TUBGCP5: variants seen among roughly 807,000 people sequenced by gnomAD.
TUBGCP5 encodes the protein tubulin gamma complex component 5.
TUBGCP5 carries 98 observed loss-of-function variants against 134.7 expected under a neutral mutation model. The ratio of observed to expected loss-of-function variants is 0.73; its 90% CI spans 0.62 to 0.86. The LOEUF is 0.86. Among genes scored for constraint, TUBGCP5 ranks in the 40% least tolerant of loss-of-function variants. The pLI is 0.00. For missense variants in TUBGCP5, 1,150 were observed against 1,244.8 expected (o/e 0.92, Z 1.15); for synonymous variants, 456 against 431.4 (o/e 1.06, Z -0.71).
At chr15:23,014,330 T>C (rs533368302) in intron 13 of TUBGCP5, among the ~76,000 whole-genome samples, 10 of 152,284 alleles carry the variant, frequency 6.6e-5, no homozygotes, top group African/African-American at 2.4e-4. Flanking sequence ...TTGAGCGGCC[T>C]TGCACGGCAT....
chr15:22,989,381 A>G (rs773089822), intron 23 of TUBGCP5, among the ~76,000 whole-genome samples: 5 of 152,154 alleles, frequency 3.3e-5, no homozygotes, highest in Non-Finnish European at 5.9e-5. Context: ...CACATCCAGT[A>G]AATACCTTCT....
At chr15:23,029,605 A>T (rs1293852961) in intron 6 of TUBGCP5, among the ~76,000 whole-genome samples, 1 of 152,186 alleles carries the variant, frequency 6.6e-6, no homozygotes, top group African/African-American at 2.4e-5. Context: ...CAATTTTGAA[A>T]AAGAGCAGTG....
chr15:22,987,895 C>CAAAAAAA (rs869168765), intron 23 of TUBGCP5, among the ~76,000 whole-genome samples: 2 of 20,488 alleles, frequency 9.8e-5, no homozygotes, highest in African/African-American at 1.7e-4. Flanking sequence ...GACTCCATCT[C>CAAAAAAA]AAAAAAAAAA....
rs1301840316 is a variant in TUBGCP5, at chr15:23,039,259, G to A, written c.146+139C>T. ...GCCGGCGGGGAGCAGGCGGTGGCAG[G>A]GCCTGCGAAGGCTCCCTGAGGCCGC... On this transcript the variant is annotated intron_variant, in intron 1 of 22. Coordinates refer to ENST00000615383, the MANE Select transcript of TUBGCP5 (RefSeq NM_052903.6). The A allele has an allele frequency of 8.1e-6, 8 of 988,464 alleles. No homozygotes were observed. The Admixed American group carries it at 3.8e-4, about 47-fold the overall frequency. The allele number at this position is 988,464 out of a possible 1,614,324, so 61.2% of individuals were successfully genotyped here.
Position 22,999,757 on chromosome 15 carries a change from G to A in TUBGCP5, c.*63C>T. The A allele has an allele frequency of 1.3e-6, 2 of 1,522,952 alleles. No individual in the cohort carries two copies. The highest frequency in any genetic ancestry group is 1.8e-6 in the Non-Finnish European group (2 of 1,099,590). 94.3% of individuals were successfully genotyped at this position (1,522,952 alleles called of 1,614,324 possible). A position where few individuals can be genotyped will look rare whatever the true frequency, so the allele number is the denominator to read the frequency against. On this transcript the variant is annotated 3_prime_UTR_variant, in exon 23 of 23. Coordinates refer to ENST00000615383, the MANE Select transcript of TUBGCP5 (RefSeq NM_052903.6). The stretch of plus-strand genomic sequence containing the variant: ...ATAAAAATATTTTCACTTTTCAGCT[G>A]CACATGGTGGAAATGTACATGTATG...
At chr15:23,021,640 A>T (rs918445655) in intron 11 of TUBGCP5, among the ~76,000 whole-genome samples, 1 of 152,176 alleles carries the variant, frequency 6.6e-6, no homozygotes, top group African/African-American at 2.4e-5. Context: ...GTTTCTGTGG[A>T]TGTGTCTACT....
At chr15:23,031,084 A>G (rs2066283010) in intron 5 of TUBGCP5, 64 bp from the exon 6 acceptor site, 1 of 1,423,576 alleles carries the variant, frequency 7.0e-7, no homozygotes, top group Non-Finnish European at 9.3e-7. Context: ...ATTTACATTA[A>G]AAGACTAAGA....
At position 23,011,297 on chromosome 15, in the gene TUBGCP5, CAGAA is replaced by C; in HGVS notation, c.1787_1790del (p.Phe596TrpfsTer29). On this transcript the variant is annotated frameshift_variant, in exon 14 of 23. Coordinates refer to ENST00000615383, the MANE Select transcript of TUBGCP5 (RefSeq NM_052903.6). LOFTEE classifies it high-confidence loss of function. The stretch of plus-strand genomic sequence containing the variant: ...GTCGAAGACGGGACTGTACAGATTC[CAGAA>C]AGAGAGTGTATAAACTTTTTCTTTC... The C allele has an allele frequency of 6.2e-7, 1 of 1,613,190 alleles. No homozygotes were observed.
rs755622557 is a variant in TUBGCP5, at chr15:23,030,982, C to T, written c.525G>A (p.Gln175=). 6.2e-7 allele frequency: 1 copy of T among 1,613,082 alleles called. No homozygotes were observed. ...SEESEEENDQ[Q]PLSREDSGIQ... ...TTCCAGAGTCCTCTCTGCTTAAGGGCTGTTGATCATTTTCCTCTTCACTTT... is the reference window on the plus strand; with the variant it reads ...TTCCAGAGTCCTCTCTGCTTAAGGGTTGTTGATCATTTTCCTCTTCACTTT... Residue 175 remains glutamine (Q), a synonymous_variant, in exon 6 of 23, where the codon CAG becomes CAA. Transcript: ENST00000615383.
rs1185628030 is a variant in TUBGCP5 at position 23,032,757 on chromosome 15, T to A, written c.377A>T (p.Tyr126Phe). 5.6e-6 allele frequency: 9 copies of A among 1,596,798 alleles called. No individual in the cohort carries two copies. In the Admixed American group the frequency reaches 1.6e-4, roughly 29 times the overall value. Residue 126 changes from tyrosine to phenylalanine, a missense_variant, in exon 4 of 23, where the codon TAT (tyrosine) becomes TTT (phenylalanine). Physicochemically the swap from Tyr to Phe is conservative, Grantham distance 22 (BLOSUM62 3). This residue lies in a region of TUBGCP5 where 453 missense variants were observed against 394.7 expected (regional missense o/e 1.15). Transcript: ENST00000615383. ...TTCTTTATTTCTTGGTGTCTCCACA[T>A]AACTGCTGTTTGAAGGAGAGTCTGA... ...CLSDSPSNSS[Y>F]VETPRNKEVE... is the part of the protein sequence containing the mutation.
At chr15:23,036,779 CCGT>C (rs1567173826) in intron 3 of TUBGCP5, 115 bp downstream of exon 3, 4 of 730,130 alleles carry the variant, frequency 5.5e-6, no homozygotes, top group Non-Finnish European at 9.2e-6. Context: ...CCAAGAGATC[CCGT>C]TAGCCAGTAG....
Position 23,039,538 on chromosome 15 carries a change from C to T in TUBGCP5, c.6G>A (p.Ala2=). Residue 2 remains alanine (A), a synonymous_variant, in exon 1 of 23, where the codon GCG becomes GCA. Transcript: ENST00000615383. Reference sequence around the variant, plus strand: ...ACCGACTCCACGGTGGCCCGTGCCGCGCCATGTTCCGCGCTCCTGCAGCGC... The same window carrying T: ...ACCGACTCCACGGTGGCCCGTGCCGTGCCATGTTCCGCGCTCCTGCAGCGC... M[A]RHGPPWSRLD... is the part of the protein sequence containing the mutation. The T allele has an allele frequency of 6.8e-7, 1 of 1,460,238 alleles. No individual in the cohort carries two copies. The highest frequency in any genetic ancestry group is 2.2e-5 in the Admixed American group (1 of 45,458). The allele number at this position is 1,460,238 out of a possible 1,614,324, so 90.5% of individuals were successfully genotyped here.
At chr15:22,986,986 C>T (rs1213386013) in intron 23 of TUBGCP5, among the ~76,000 whole-genome samples, 1 of 152,112 alleles carries the variant, frequency 6.6e-6, no homozygotes, top group Non-Finnish European at 1.5e-5. Flanking sequence ...GGCTTATGCA[C>T]TATGGGGGCT....
intron 23 of TUBGCP5, among the ~76,000 whole-genome samples, chr15:22,984,079 C>T (rs1164773270): frequency 6.6e-6 from 1 of 152,052 alleles, no homozygotes; most frequent in African/African-American, 2.4e-5. Flanking sequence ...GACATCGTGC[C>T]ACTGCACTCC....
downstream of TUBGCP5, among the ~76,000 whole-genome samples, chr15:22,994,471 T>TA (rs1261370841): frequency 2.0e-5 from 3 of 152,160 alleles, no homozygotes; most frequent in East Asian, 1.9e-4. Context: ...GAACAGCTCT[T>TA]AGATTCAGTG....
At position 23,011,638 on chromosome 15, in the gene TUBGCP5, G is replaced by A. The variant is rs886522367; in HGVS notation, c.1757-307C>T. Among the ~76,000 whole-genome samples, 65 of 149,326 alleles carry A rather than the reference G, an allele frequency of 4.4e-4. 1 individual carries two copies. The highest frequency in any genetic ancestry group is 1.6e-3 in the African/African-American group (65 of 41,276). On this transcript the variant is annotated intron_variant, in intron 13 of 22. Coordinates refer to ENST00000615383, the MANE Select transcript of TUBGCP5 (RefSeq NM_052903.6). ...TCCTGCCTCAGCCTCCCAAGTAGCT[G>A]GGATTACAGGCATGTGCCACCACGC...
At chr15:23,003,948 C>T (rs1173697898) in intron 20 of TUBGCP5, among the ~76,000 whole-genome samples, 154 bp downstream of exon 20, 3 of 152,086 alleles carry the variant, frequency 2.0e-5, no homozygotes, top group East Asian at 1.9e-4. Context: ...CCATTGTGGC[C>T]GGCCTGGGGC....
Position 22,999,697 on chromosome 15 carries a change from G to T in TUBGCP5, c.*123C>A. 9.1e-7 allele frequency: 1 copy of T among 1,095,580 alleles called. No individual in the cohort carries two copies. Among genetic ancestry groups the T allele is most frequent in the Non-Finnish European group, 1.4e-6 (1 of 740,320 alleles). The allele number at this position is 1,095,580 out of a possible 1,614,324, so 67.9% of individuals were successfully genotyped here. On this transcript the variant is annotated 3_prime_UTR_variant, in exon 23 of 23. Transcript: ENST00000615383. ...ATTAGAGGCATGAGCGACTGTGCCA[G>T]GCTGACTGTGGACAAGTTTTACAAA...
At chr15:23,003,630 C>CTTTT (rs2064521658) in intron 20 of TUBGCP5, among the ~76,000 whole-genome samples, 1 of 105,986 alleles carries the variant, frequency 9.4e-6, no homozygotes, top group African/African-American at 3.8e-5. Context: ...ACTCCTCCTT[C>CTTTT]TGTTTTTTTT....
Sources: allele counts gnomAD v4.1 joint callset (sites outside exome capture counted in the v4.1 genomes callset), GRCh38; gene constraint gnomAD v4.1.1; regional missense constraint gnomAD v4.1.1; transcripts MANE v1.5; gene names NCBI Gene and HGNC (gene_info 2026-07-23, HGNC 2026-07-21).